LRMDA: variants seen among roughly 807,000 people sequenced by gnomAD.
LRMDA encodes leucine rich melanocyte differentiation associated.
In LRMDA, 18 loss-of-function variants were observed where a neutral mutation model predicts 29.8. The observed-to-expected ratio is 0.60, with a 90% confidence interval of 0.42 to 0.90. The LOEUF (loss-of-function observed/expected upper bound fraction) is 0.90. Ranked by LOEUF, LRMDA falls within the 40% of genes least tolerant of loss-of-function variation. The pLI is 0.00. For missense variants in LRMDA, 273 were observed against 273.9 expected, an observed-to-expected ratio of 1.00 and a Z score of 0.02; for synonymous variants, 125 against 109.4, an observed-to-expected ratio of 1.14 and a Z score of -0.89.
At chr10:75,640,901 A>C (rs1339138171) in intron 2 of LRMDA, among the ~76,000 whole-genome samples, 1 of 152,200 alleles carries the variant, frequency 6.6e-6, no homozygotes, top group Admixed American at 6.5e-5. Flanking sequence ...GGCCACTTGC[A>C]TTGATGTGCT....
intron 5 of LRMDA, among the ~76,000 whole-genome samples, chr10:76,288,162 T>C (rs187256549): frequency 1.3e-5 from 2 of 152,154 alleles, no homozygotes; most frequent in Non-Finnish European, 2.9e-5. Context: ...GATGAGGTTG[T>C]GGAGGAAAGG....
intron 6 of LRMDA, among the ~76,000 whole-genome samples, chr10:76,471,334 T>C (rs10824418): frequency 0.66 from 100,139 of 151,370 alleles, 35,252 homozygotes; most frequent in Non-Finnish European, 0.8. Flanking sequence ...GCTATATAGG[T>C]GCAATTTTAA....
At chr10:76,031,008 G>A (rs536989685) in intron 2 of LRMDA, among the ~76,000 whole-genome samples, 67 of 152,276 alleles carry the variant, frequency 4.4e-4, no homozygotes, top group Admixed American at 7.8e-4. Context: ...TTGGAGTGGT[G>A]GGGGGAGTAT....
At chr10:76,398,298 T>G (rs1271006202) in intron 6 of LRMDA, among the ~76,000 whole-genome samples, 1 of 152,154 alleles carries the variant, frequency 6.6e-6, no homozygotes, top group Admixed American at 6.6e-5. Flanking sequence ...CCTCTGTTCT[T>G]CTAGTAATGC....
At chr10:76,201,615 C>T (rs1851432937) in intron 5 of LRMDA, among the ~76,000 whole-genome samples, 1 of 152,226 alleles carries the variant, frequency 6.6e-6, no homozygotes, top group Non-Finnish European at 1.5e-5. Context: ...ATCTGTATCT[C>T]ATCCTCACCT....
chr10:76,479,646 G>T (rs1372757047), intron 6 of LRMDA, among the ~76,000 whole-genome samples: 3 of 151,846 alleles, frequency 2.0e-5, no homozygotes, highest in Non-Finnish European at 4.4e-5. Flanking sequence ...CTGAAGGGCT[G>T]CAATTTTTAA....
At position 76,306,981 on chromosome 10, in the gene LRMDA, T is replaced by C. The variant is rs997368746; in HGVS notation, c.517-17420T>C. 5.3e-5 allele frequency among the ~76,000 whole-genome samples: 8 copies of C among 152,206 alleles called. No homozygotes were observed. In the South Asian group the frequency reaches 1.7e-3, roughly 32 times the overall value. On this transcript the variant is annotated intron_variant, in intron 5 of 6. Coordinates refer to ENST00000611255, the MANE Select transcript of LRMDA (RefSeq NM_001305581.2). ...AGTTTAACTTTATCCTGTTGACATATATATGTGTGGAGGAGTGGAGGAAGC... is the reference window on the plus strand; with the variant it reads ...AGTTTAACTTTATCCTGTTGACATACATATGTGTGGAGGAGTGGAGGAAGC...
At chr10:76,530,637 G>A (rs1391732302) in intron 6 of LRMDA, among the ~76,000 whole-genome samples, 3 of 152,076 alleles carry the variant, frequency 2.0e-5, no homozygotes, top group African/African-American at 7.2e-5. Flanking sequence ...GAACGAGAGA[G>A]GCAAGAAATC....
intron 2 of LRMDA, among the ~76,000 whole-genome samples, chr10:75,853,862 C>T (rs1364986781): frequency 6.6e-6 from 1 of 152,090 alleles, no homozygotes; most frequent in Non-Finnish European, 1.5e-5. Flanking sequence ...TAGATTCCTA[C>T]CCATAGTAGT....
intron 5 of LRMDA, among the ~76,000 whole-genome samples, chr10:76,241,085 A>T (rs1474064696): frequency 6.6e-6 from 1 of 152,034 alleles, no homozygotes; most frequent in Non-Finnish European, 1.5e-5. Context: ...TATAAGAATG[A>T]TATAATGGAC....
intron 2 of LRMDA, among the ~76,000 whole-genome samples, chr10:75,991,522 C>A (rs1006740600): frequency 5.9e-5 from 9 of 152,158 alleles, no homozygotes; most frequent in Non-Finnish European, 1.0e-4. Context: ...GAAGGAATCT[C>A]AAGGAGCATC....
intron 5 of LRMDA, among the ~76,000 whole-genome samples, chr10:76,085,248 A>G (rs1849115503): frequency 6.6e-6 from 1 of 152,254 alleles, no homozygotes; most frequent in Admixed American, 6.5e-5. Flanking sequence ...ATTCAGCTGC[A>G]ATAAATGCAT....
chr10:75,569,829 G>T (rs892717389), intron 2 of LRMDA, among the ~76,000 whole-genome samples: 2 of 152,232 alleles, frequency 1.3e-5, no homozygotes, highest in Non-Finnish European at 2.9e-5. Flanking sequence ...GAGGTGAGCT[G>T]TGCTCAGCTT....
At chr10:75,565,996 G>A (rs770065205) in intron 2 of LRMDA, among the ~76,000 whole-genome samples, 7 of 152,168 alleles carry the variant, frequency 4.6e-5, no homozygotes, top group Non-Finnish European at 1.0e-4. Context: ...AATTGCTTGA[G>A]CCTGGAAGGT....
chr10:75,939,613 G>A (rs1341364530), intron 2 of LRMDA, among the ~76,000 whole-genome samples: 1 of 152,140 alleles, frequency 6.6e-6, no homozygotes, highest in African/African-American at 2.4e-5. Context: ...AGAGAGTGTT[G>A]ATAAAACCTA....
chr10:76,479,369 G>C (rs1039374946), intron 6 of LRMDA, among the ~76,000 whole-genome samples: 1 of 151,914 alleles, frequency 6.6e-6, no homozygotes, highest in African/African-American at 2.4e-5. Context: ...TTCATGGTGT[G>C]TAACCTGTGC....
At chr10:76,305,209 C>T (rs999836476) in intron 5 of LRMDA, among the ~76,000 whole-genome samples, 2 of 152,070 alleles carry the variant, frequency 1.3e-5, no homozygotes, top group African/African-American at 4.8e-5. Flanking sequence ...CCTTTCAAAA[C>T]CTAGGAATCC....
intron 2 of LRMDA, among the ~76,000 whole-genome samples, chr10:75,729,126 G>A (rs12253895): frequency 0.036 from 5,471 of 152,278 alleles, 253 homozygotes; most frequent in African/African-American, 0.11. Context: ...AACAACTCAT[G>A]CAGTCGTCTC....
chr10:76,523,456 T>A (rs894510955), intron 6 of LRMDA, among the ~76,000 whole-genome samples: 5 of 151,740 alleles, frequency 3.3e-5, no homozygotes, highest in African/African-American at 1.2e-4. Flanking sequence ...CAAGGCGGGG[T>A]GAGATTCCAC....
Sources: gnomAD v4.1 joint callset for allele counts (sites outside exome capture counted in the v4.1 genomes callset) on GRCh38, gnomAD v4.1.1 for gene constraint, MANE v1.5 for transcripts, NCBI Gene and HGNC (gene_info 2026-07-23, HGNC 2026-07-21) for gene names.